Variants in WDR45B observed in about 807,000 individuals in gnomAD.
WDR45B encodes WD repeat domain 45B.
WDR45B carries 20 observed loss-of-function variants against 44.6 expected under a neutral mutation model. The observed-to-expected ratio is 0.45, with a 90% confidence interval of 0.32 to 0.65. The LOEUF is 0.65. Among genes scored for constraint, WDR45B ranks in the 30% least tolerant of loss-of-function variants. WDR45B has a pLI of 0.05. For synonymous variants in WDR45B, 169 were observed against 164.9 expected (o/e 1.02, Z -0.19); for missense variants, 323 against 430.2 (o/e 0.75, Z 2.20).
chr17:82,626,909 CAT>C (rs1489823942), intron 4 of WDR45B: 2 of 471,806 alleles, frequency 4.2e-6, no homozygotes, highest in South Asian at 2.1e-5. Context: ...CAGCTCTGCA[CAT>C]GTCGGAATGG....
intron 7 of WDR45B, 80 bp downstream of exon 7, chr17:82,618,963 C>G: frequency 7.3e-7 from 1 of 1,365,570 alleles, no homozygotes; most frequent in Non-Finnish European, 1.0e-6. Context: ...CTGCTCCTAC[C>G]CCCTCTCCCA....
chr17:82,628,387 G>A (rs1258932425), intron 3 of WDR45B, among the ~76,000 whole-genome samples: 1 of 152,078 alleles, frequency 6.6e-6, no homozygotes, highest in Non-Finnish European at 1.5e-5. Flanking sequence ...GTGTTCTAAG[G>A]GCTAATGTAC....
chr17:82,644,054 C>G (rs750139331), intron 1 of WDR45B, 31 bp from the exon 2 acceptor site: 1 of 1,610,278 alleles, frequency 6.2e-7, no homozygotes, highest in East Asian at 2.2e-5. Context: ...AGACATTAAT[C>G]CCCAGGCCTG....
chr17:82,635,985 G>A (rs2045827416), intron 2 of WDR45B, among the ~76,000 whole-genome samples: 1 of 151,974 alleles, frequency 6.6e-6, no homozygotes, highest in Non-Finnish European at 1.5e-5. Flanking sequence ...TACTCGAGAA[G>A]TTGGGGCAGG....
intron 2 of WDR45B, among the ~76,000 whole-genome samples, chr17:82,635,570 C>A (rs1029541839): frequency 6.6e-6 from 1 of 151,410 alleles, no homozygotes; most frequent in Non-Finnish European, 1.5e-5. Context: ...GGATTACAGG[C>A]GCCCATCACA....
intron 3 of WDR45B, among the ~76,000 whole-genome samples, chr17:82,627,883 T>C (rs985386952): frequency 6.6e-6 from 1 of 152,236 alleles, no homozygotes. Flanking sequence ...GTGCTGCAAA[T>C]AAACCTGCAT....
At chr17:82,624,363 GCAATT>G (rs1241625816) in intron 5 of WDR45B, among the ~76,000 whole-genome samples, 14 of 152,330 alleles carry the variant, frequency 9.2e-5, no homozygotes, top group Middle Eastern at 3.4e-3. Flanking sequence ...CCGGGTTCAA[GCAATT>G]CTCCTGCCTC....
intron 1 of WDR45B, among the ~76,000 whole-genome samples, chr17:82,645,124 C>T (rs1029060826): frequency 3.3e-5 from 5 of 152,014 alleles, no homozygotes; most frequent in East Asian, 1.9e-4. Context: ...GATGAAACCC[C>T]GTCTCTACTA....
chr17:82,628,826 G>A (rs1171017121), intron 3 of WDR45B, among the ~76,000 whole-genome samples: 3 of 152,090 alleles, frequency 2.0e-5, no homozygotes, highest in Admixed American at 6.5e-5. Context: ...ATGTGGAAAC[G>A]CCGTCTCTAC....
intron 6 of WDR45B, among the ~76,000 whole-genome samples, chr17:82,620,390 G>A (rs529925603): frequency 7.9e-5 from 12 of 152,306 alleles, no homozygotes; most frequent in Admixed American, 2.0e-4. Context: ...CTGAGATCAC[G>A]CCACTGCACT....
Position 82,621,818 on chromosome 17 carries a change from C to T in WDR45B, c.428-19G>A. The T allele has an allele frequency of 6.2e-7, 1 of 1,613,638 alleles. No homozygotes were observed. Among genetic ancestry groups the T allele is most frequent in the Non-Finnish European group, 8.5e-7 (1 of 1,179,856 alleles). ...CAGAGGCCTGCGTGGAGACAGAGGA[C>T]ACCAATCAAGAACTGCCTTTGATTT... On this transcript the variant is annotated intron_variant, in intron 5 of 9. Transcript: ENST00000392325.
rs375034883 is a variant in WDR45B, at chr17:82,624,149, C to T, written c.427+1240G>A. The stretch of plus-strand genomic sequence containing the variant: ...TCCTTCCTAATAGCCAAAACACGGC[C>T]GAAGGGACCAACAAAGTAACACACA... On this transcript the variant is annotated intron_variant, in intron 5 of 9. Transcript: ENST00000392325. 1.2e-4 allele frequency among the ~76,000 whole-genome samples: 19 copies of T among 152,176 alleles called. No individual in the cohort carries two copies. The South Asian group carries it at 2.1e-3, about 17-fold the overall frequency.
At chr17:82,643,791 A>G (rs1198165932) in intron 2 of WDR45B, among the ~76,000 whole-genome samples, 158 bp downstream of exon 2, 1 of 152,166 alleles carries the variant, frequency 6.6e-6, no homozygotes, top group African/African-American at 2.4e-5. Flanking sequence ...AAGCTCAACG[A>G]AAGAAAGAGG....
At chr17:82,638,751 T>C (rs2143356696) in intron 2 of WDR45B, among the ~76,000 whole-genome samples, 1 of 152,170 alleles carries the variant, frequency 6.6e-6, no homozygotes, top group Non-Finnish European at 1.5e-5. Context: ...TTATTTCCCA[T>C]TATAAAAATT....
At chr17:82,616,849 G>A (rs1473232020) in intron 8 of WDR45B, among the ~76,000 whole-genome samples, 2 of 151,316 alleles carry the variant, frequency 1.3e-5, no homozygotes, top group African/African-American at 4.9e-5. Context: ...ACGGAGTCTC[G>A]CTCTGTAGCC....
chr17:82,636,553 G>A (rs1211915232), intron 2 of WDR45B: 1 of 151,968 alleles, frequency 6.6e-6, no homozygotes, highest in African/African-American at 2.4e-5. Context: ...CCCACAGAAA[G>A]ACCAGGGTTA....
intron 1 of WDR45B, among the ~76,000 whole-genome samples, chr17:82,646,019 C>A (rs997834771): frequency 1.3e-5 from 2 of 151,518 alleles, no homozygotes; most frequent in Non-Finnish European, 2.9e-5. Flanking sequence ...TACTCGGGAG[C>A]CTGAGGCAGG....
chr17:82,627,284 G>C lies in WDR45B; in HGVS notation c.252C>G (p.Ile84Met). The C allele has an allele frequency of 1.2e-6, 2 of 1,610,544 alleles. No homozygotes were observed. The highest frequency in any genetic ancestry group is 1.3e-5 in the African/African-American group (1 of 74,994). Residue 84 changes from isoleucine to methionine, a missense_variant, in exon 4 of 10, where the codon ATC (isoleucine) becomes ATG (methionine). Ile to Met is a conservative substitution (Grantham distance 10, BLOSUM62 1). Transcript: ENST00000392325. ...CAGTCTTCTTCTTCAGGTCATCCCA[G>C]ATCATTACTGAAATATCAGAAAGAA... ...KPKYPPNKVMIWDDLKKKTVI... is the reference protein window; with the variant it reads ...KPKYPPNKVMMWDDLKKKTVI...
intron 2 of WDR45B, among the ~76,000 whole-genome samples, chr17:82,642,162 C>G (rs985493579): frequency 1.4e-4 from 21 of 152,198 alleles, no homozygotes; most frequent in Admixed American, 7.9e-4. Context: ...GGTCTGCAAC[C>G]CCGGGGCAGT....
Sources: gnomAD v4.1 joint callset for allele counts (sites outside exome capture counted in the v4.1 genomes callset) on GRCh38, gnomAD v4.1.1 for gene constraint, MANE v1.5 for transcripts, NCBI Gene and HGNC (gene_info 2026-07-23, HGNC 2026-07-21) for gene names.